ACAD10: variants seen among roughly 807,000 people sequenced by gnomAD.
The protein encoded by ACAD10 is acyl-CoA dehydrogenase family member 10, also known as ACAD-10.
ACAD10 carries 112 observed loss-of-function variants against 116.8 expected under a neutral mutation model. That is an observed-to-expected ratio of 0.96 (90% CI 0.82 to 1.12). The LOEUF (loss-of-function observed/expected upper bound fraction) is 1.12. ACAD10 is among the 50% of genes most tolerant of loss of function. ACAD10 has a pLI of 0.00. For synonymous variants in ACAD10, 486 were observed against 510.6 expected, an observed-to-expected ratio of 0.95 and a Z score of 0.65; for missense variants, 1,259 against 1,350.2, an observed-to-expected ratio of 0.93 and a Z score of 1.06.
intron 3 of ACAD10, among the ~76,000 whole-genome samples, chr12:111,704,564 A>C (rs575099600): frequency 2.8e-4 from 43 of 152,344 alleles, no homozygotes; most frequent in African/African-American, 1.0e-3. Flanking sequence ...TGGCATGTGA[A>C]TTAGAGTTCA....
At chr12:111,698,618 C>T (rs2135946882) in intron 2 of ACAD10, among the ~76,000 whole-genome samples, 1 of 151,662 alleles carries the variant, frequency 6.6e-6, no homozygotes, top group Non-Finnish European at 1.5e-5. Context: ...GCTGGGATTA[C>T]AGGCATGCAC....
intron 11 of ACAD10, among the ~76,000 whole-genome samples, chr12:111,735,848 A>G (rs953965677): frequency 6.0e-5 from 9 of 151,230 alleles, no homozygotes; most frequent in Non-Finnish European, 8.9e-5. Flanking sequence ...TTATTTGTTT[A>G]TTTATTTTTG....
intron 3 of ACAD10, among the ~76,000 whole-genome samples, chr12:111,704,214 T>C (rs1303254333): frequency 6.6e-6 from 1 of 151,722 alleles, no homozygotes; most frequent in Non-Finnish European, 1.5e-5. Flanking sequence ...CAATCTCGGC[T>C]CACTGCAACC....
At chr12:111,719,047 G>A (rs989256265) in intron 7 of ACAD10, among the ~76,000 whole-genome samples, 2 of 151,968 alleles carry the variant, frequency 1.3e-5, no homozygotes, top group Admixed American at 1.3e-4. Flanking sequence ...AGAGATTGCA[G>A]TGAGCGGAGA....
intron 7 of ACAD10, among the ~76,000 whole-genome samples, chr12:111,716,354 TTG>T (rs1222320550): frequency 6.6e-6 from 1 of 151,966 alleles, no homozygotes; most frequent in Non-Finnish European, 1.5e-5. Context: ...CTGGGAGACA[TTG>T]TGAAACCCTG....
At chr12:111,693,167 CTTG>C (rs1888104718) in intron 2 of ACAD10, 1 of 454,330 alleles carries the variant, frequency 2.2e-6, no homozygotes. Flanking sequence ...GTGGGAAGCA[CTTG>C]CTTAGCACAG....
At position 111,749,270 on chromosome 12, in the gene ACAD10, G is replaced by A; in HGVS notation, c.2742G>A (p.Leu914=). 2 of 1,614,120 alleles carry A rather than the reference G, an allele frequency of 1.2e-6. No individual in the cohort carries two copies. Among genetic ancestry groups the A allele is most frequent in the Non-Finnish European group, 1.7e-6 (2 of 1,180,038 alleles). Residue 914 remains leucine, a synonymous_variant, in exon 18 of 21, where the codon CTG becomes CTA. Transcript: ENST00000313698. The part of the protein sequence containing the change: ...GRGFEIAQGR[L]GPGRIHHCMR... ...GCTTTGAGATCGCCCAGGGCAGACT[G>A]GGCCCCGGCAGGATCCATCACTGCA...
rs765513812 is a variant in ACAD10, at chr12:111,749,158, G to C, written c.2645-15G>C. 2 of 1,612,598 alleles carry C rather than the reference G, an allele frequency of 1.2e-6. No individual in the cohort carries two copies. Among genetic ancestry groups the C allele is most frequent in the Non-Finnish European group, 1.7e-6 (2 of 1,178,820 alleles). ...ACTATGGCTATTGCTCACAGTGATC[G>C]TTTGGGTCTTTCAGGTGGCCATGGT... On this transcript the variant is annotated splice_polypyrimidine_tract_variant and intron_variant, in intron 17 of 20. Coordinates refer to ENST00000313698, the MANE Select transcript of ACAD10 (RefSeq NM_025247.6).
At chr12:111,695,572 G>A (rs1888170965) in intron 2 of ACAD10, among the ~76,000 whole-genome samples, 1 of 152,108 alleles carries the variant, frequency 6.6e-6, no homozygotes, top group South Asian at 2.1e-4. Flanking sequence ...TGCAGTGTTA[G>A]CTCTGCAGGC....
intron 2 of ACAD10, among the ~76,000 whole-genome samples, chr12:111,701,029 G>A (rs1370258244): frequency 6.6e-6 from 1 of 151,878 alleles, no homozygotes; most frequent in Non-Finnish European, 1.5e-5. Flanking sequence ...AAAGTGCCGG[G>A]ATTATAGGTG....
chr12:111,689,363 G>A (rs553546614), intron 1 of ACAD10, among the ~76,000 whole-genome samples: 7 of 151,878 alleles, frequency 4.6e-5, no homozygotes, highest in Non-Finnish European at 8.8e-5. Context: ...TGTTATTTTT[G>A]TTGGTTTTTG....
chr12:111,688,838 G>T (rs1452531197), intron 1 of ACAD10, among the ~76,000 whole-genome samples: 2 of 151,892 alleles, frequency 1.3e-5, no homozygotes, highest in Non-Finnish European at 2.9e-5. Context: ...AAAAAGTGCA[G>T]CTCGCTGCCA....
intron 12 of ACAD10, among the ~76,000 whole-genome samples, chr12:111,743,099 G>C (rs1889791029): frequency 6.6e-6 from 1 of 152,224 alleles, no homozygotes; most frequent in Admixed American, 6.5e-5. Flanking sequence ...GGACATGGAA[G>C]TGCTAGAAGT....
chr12:111,727,216 A>T (rs1889239441), intron 8 of ACAD10, among the ~76,000 whole-genome samples: 1 of 151,402 alleles, frequency 6.6e-6, no homozygotes, highest in Non-Finnish European at 1.5e-5. Flanking sequence ...ACAGAGCAAG[A>T]CTCCATCTCA....
At chr12:111,729,738 G>T (rs1448842299) in intron 9 of ACAD10, 68 bp from the exon 10 acceptor site, 30 of 1,533,592 alleles carry the variant, frequency 2.0e-5, no homozygotes, top group South Asian at 1.2e-4. Context: ...CACTGCACTG[G>T]TTTTTTTTTC....
intron 9 of ACAD10, among the ~76,000 whole-genome samples, chr12:111,728,726 G>C (rs1293394844): frequency 6.6e-6 from 1 of 152,052 alleles, no homozygotes; most frequent in Non-Finnish European, 1.5e-5. Context: ...GTCTCTCTCT[G>C]TCGCCCACAC....
intron 3 of ACAD10, among the ~76,000 whole-genome samples, chr12:111,704,170 C>T (rs536275890): frequency 1.3e-5 from 2 of 149,732 alleles, no homozygotes; most frequent in African/African-American, 4.9e-5. Context: ...GAGACACAGT[C>T]TCACTCTGTT....
At chr12:111,751,507 G>A (rs1890070758) in intron 18 of ACAD10, among the ~76,000 whole-genome samples, 1 of 152,090 alleles carries the variant, frequency 6.6e-6, no homozygotes, top group African/African-American at 2.4e-5. Context: ...GAGGTGGGCG[G>A]ATCACTTCAG....
Position 111,744,910 on chromosome 12 carries a change from C to G in ACAD10, c.1982C>G (p.Pro661Arg), listed in dbSNP as rs144351777. 1 of 1,614,190 alleles carries G rather than the reference C, an allele frequency of 6.2e-7. No individual in the cohort carries two copies. Among genetic ancestry groups the G allele is most frequent in the East Asian group, 2.2e-5 (1 of 44,878 alleles). The change falls in exon 13 of 21, where the codon CCA (proline) becomes CGA (arginine). Residue 661 changes from proline to arginine, a missense_variant. Transcript: ENST00000313698. ...GLVISPESLS[P>R]PVRELYHRLK... The stretch of plus-strand genomic sequence containing the variant: ...GTTATCTCTCCAGAGAGCCTCTCTC[C>G]ACCTGTCAGAGAGCTGTATCACCGG...
Sources: allele counts gnomAD v4.1 joint callset (sites outside exome capture counted in the v4.1 genomes callset), GRCh38; gene constraint gnomAD v4.1.1; transcripts MANE v1.5; gene names NCBI Gene and HGNC (gene_info 2026-07-23, HGNC 2026-07-21).